TMEM143: variants seen among roughly 807,000 people sequenced by gnomAD.
TMEM143 encodes the protein transmembrane protein 143.
TMEM143 carries 45 observed loss-of-function variants against 40.3 expected under a neutral mutation model. That is an observed-to-expected ratio of 1.12 (90% CI 0.88 to 1.43). The LOEUF (loss-of-function observed/expected upper bound fraction) is 1.43. Ranked by LOEUF, TMEM143 falls within the 40% of genes most tolerant of loss-of-function variation. The pLI is 0.00. For missense variants in TMEM143, 620 were observed against 613.4 expected, an observed-to-expected ratio of 1.01 and a Z score of -0.11; for synonymous variants, 299 against 282.7, an observed-to-expected ratio of 1.06 and a Z score of -0.58.
intron 6 of TMEM143, among the ~76,000 whole-genome samples, 173 bp downstream of exon 6, chr19:48,342,356 GA>G (rs1471187094): frequency 1.0e-5 from 1 of 95,390 alleles, no homozygotes; most frequent in Non-Finnish European, 2.2e-5. Flanking sequence ...AGGAAGGAAG[GA>G]CAGGGAGGGA....
At chr19:48,360,225 C>T (rs768329131) in intron 2 of TMEM143, 49 bp from the exon 3 acceptor site, 8 of 1,565,878 alleles carry the variant, frequency 5.1e-6, no homozygotes, top group South Asian at 3.4e-5. Flanking sequence ...TCCCCTTCCC[C>T]GAGGGAAAGA....
Position 48,335,469 on chromosome 19 carries a change from A to T in TMEM143, c.976-1272T>A, listed in dbSNP as rs1969347040. Among the ~76,000 whole-genome samples, 7 of 152,278 alleles carry T rather than the reference A, an allele frequency of 4.6e-5. No individual in the cohort carries two copies. The South Asian group carries it at 1.5e-3, about 32-fold the overall frequency. Reference sequence around the variant, plus strand: ...GCTGGGCTCAGTGGCTCACGCCTGTAATCCCAGCACTTTGGGAGGCCAAGG... The same window carrying T: ...GCTGGGCTCAGTGGCTCACGCCTGTTATCCCAGCACTTTGGGAGGCCAAGG... On this transcript the variant is annotated intron_variant, in intron 6 of 7. Transcript: ENST00000293261.
At position 48,333,382 on chromosome 19, in the gene TMEM143, G is replaced by C; in HGVS notation, c.1217C>G (p.Ser406Ter). The C allele has an allele frequency of 1.2e-6, 2 of 1,608,376 alleles. No individual in the cohort carries two copies. Among genetic ancestry groups the C allele is most frequent in the Non-Finnish European group, 1.7e-6 (2 of 1,176,108 alleles). The change falls in exon 8 of 8, where the codon TCA becomes TGA. Residue 406 changes from serine to a stop codon, truncating the protein, a stop_gained. Coordinates refer to ENST00000293261, the MANE Select transcript of TMEM143 (RefSeq NM_018273.4). LOFTEE classifies it low-confidence loss of function (END_TRUNC). This position sits in a 1 kb window ranked among gnomAD's most constrained non-coding sequence, Gnocchi z 4.1. ...SEVENWLLAK[S>*]GCEVTFNGTR... The stretch of plus-strand genomic sequence containing the variant: ...TCCGTTGAAGGTCACCTCACAGCCT[G>C]ACTTGGCTAGGAGCCAGTTCTCCAC...
rs986980442 is a variant in TMEM143, at chr19:48,342,905, C to T, written c.696-96G>A. The T allele has an allele frequency of 2.9e-6, 4 of 1,377,702 alleles. No individual in the cohort carries two copies. In the East Asian group the frequency reaches 7.4e-5, roughly 26 times the overall value. The allele number at this position is 1,377,702 out of a possible 1,614,324, so 85.3% of individuals were successfully genotyped here. Reference sequence around the variant, plus strand: ...GACGCTCACTCTGGCTCTACAGTCGCACAACCATCTTAAAAGCGACTCAGT... The same window carrying T: ...GACGCTCACTCTGGCTCTACAGTCGTACAACCATCTTAAAAGCGACTCAGT... On this transcript the variant is annotated intron_variant, in intron 5 of 7. Transcript: ENST00000293261.
intron 6 of TMEM143, among the ~76,000 whole-genome samples, chr19:48,336,597 G>A (rs2147355770): frequency 6.6e-6 from 1 of 152,250 alleles, no homozygotes; most frequent in South Asian, 2.1e-4. Context: ...CGCTACTCAG[G>A]AGGCTGAGGC....
At chr19:48,358,256 C>T (rs567890974) in intron 3 of TMEM143, among the ~76,000 whole-genome samples, 7 of 151,974 alleles carry the variant, frequency 4.6e-5, no homozygotes, top group Admixed American at 2.0e-4. Context: ...TACTGACACA[C>T]GCCTGTAATC....
At chr19:48,350,775 A>C (rs1457798529) in intron 3 of TMEM143, among the ~76,000 whole-genome samples, 1 of 151,872 alleles carries the variant, frequency 6.6e-6, no homozygotes, top group Non-Finnish European at 1.5e-5. Context: ...TACAAAAATT[A>C]GCCAGGCATG....
In TMEM143 at chr19:48,345,320, G is replaced by A. The variant is rs766042706; in HGVS notation, c.404C>T (p.Thr135Ile). The A allele has an allele frequency of 1.3e-6, 2 of 1,590,150 alleles. No individual in the cohort carries two copies. The highest frequency in any genetic ancestry group is 4.5e-5 in the East Asian group (2 of 44,430). Residue 135 changes from threonine (T) to isoleucine (I), a missense_variant, in exon 4 of 8, where the codon ACC becomes ATC. Thr to Ile is a moderately conservative substitution (Grantham distance 89). Transcript: ENST00000293261. ...ATCCGTTAGTGATGGCTGATCGAGG[G>A]TCTCCCTGTCAGGGTTGATGGGGTC... ...LYDPINPDRE[T>I]LDQPSLTDPQ...
intron 3 of TMEM143, 146 bp downstream of exon 3, chr19:48,359,926 G>A (rs538998625): frequency 2.9e-6 from 2 of 697,566 alleles, no homozygotes; most frequent in East Asian, 2.8e-5. Context: ...TTGGCTCCAT[G>A]AGGGCGTCAC....
At chr19:48,345,718 G>A (rs778974632) in intron 3 of TMEM143, among the ~76,000 whole-genome samples, 3 of 151,602 alleles carry the variant, frequency 2.0e-5, no homozygotes, top group Non-Finnish European at 2.9e-5. Context: ...CAATATGCCC[G>A]CCTCGGCCTC....
chr19:48,359,984 C>G, intron 3 of TMEM143, 88 bp downstream of exon 3: 1 of 1,337,630 alleles, frequency 7.5e-7, no homozygotes, highest in Non-Finnish European at 1.0e-6. Context: ...AAAATAAGGG[C>G]CAGGCTCCAA....
At chr19:48,334,221 G>C in intron 6 of TMEM143, 24 bp from the exon 7 acceptor site, 1 of 1,572,126 alleles carries the variant, frequency 6.4e-7, no homozygotes. Flanking sequence ...AGCGCCCCGT[G>C]GGCTCAGTTC....
chr19:48,333,858 G>T lies in TMEM143; in HGVS notation c.1165+150C>A. ...CATCAGGCACCAAGATCGGAGTCTG[G>T]ATTCGGAGGTCCTGTCTGCTGAGGG... On this transcript the variant is annotated intron_variant, in intron 7 of 7. Coordinates refer to ENST00000293261, the MANE Select transcript of TMEM143 (RefSeq NM_018273.4). The surrounding 1 kb of genome is among the most constrained non-coding windows in gnomAD (Gnocchi z 4.1). The T allele has an allele frequency of 1.2e-6, 1 of 819,214 alleles. No homozygotes were observed. Among genetic ancestry groups the T allele is most frequent in the Middle Eastern group, 3.7e-4 (1 of 2,672 alleles). 50.7% of individuals were successfully genotyped at this position (819,214 alleles called of 1,614,324 possible). A position where few individuals can be genotyped will look rare whatever the true frequency, so the allele number is the denominator to read the frequency against.
Position 48,342,629 on chromosome 19 carries a change from G to T in TMEM143, c.876C>A (p.Ile292=), listed in dbSNP as rs1423291431. ...NLMLVVSGVA[I]FVNVGMVVLT... is the part of the protein sequence containing the mutation. ...GCACCACCATGCCCACGTTGACGAA[G>T]ATCGCCACGCCGGAGACTACCAGCA... The change falls in exon 6 of 8, where the codon ATC becomes ATA. Residue 292 remains isoleucine (I), a synonymous_variant. Coordinates refer to ENST00000293261, the MANE Select transcript of TMEM143 (RefSeq NM_018273.4). 1.2e-6 allele frequency: 2 copies of T among 1,613,972 alleles called. No homozygotes were observed. The highest frequency in any genetic ancestry group is 1.1e-5 in the South Asian group (1 of 91,092).
chr19:48,344,357 C>A (rs966103630), intron 4 of TMEM143, among the ~76,000 whole-genome samples: 8 of 151,634 alleles, frequency 5.3e-5, no homozygotes, highest in Middle Eastern at 3.2e-3. Context: ...TCATGGCTGA[C>A]AGCTCACTGC....
intron 3 of TMEM143, among the ~76,000 whole-genome samples, chr19:48,353,810 G>A (rs908403648): frequency 1.3e-5 from 2 of 151,488 alleles, no homozygotes; most frequent in Admixed American, 1.3e-4. Context: ...CACCGAGAAG[G>A]CAGCCACAGG....
At chr19:48,337,678 C>T (rs564817395) in intron 6 of TMEM143, among the ~76,000 whole-genome samples, 5 of 152,204 alleles carry the variant, frequency 3.3e-5, no homozygotes, top group Admixed American at 1.3e-4. Context: ...CATCTCACAC[C>T]GAGGCCTGAG....
At chr19:48,358,269 G>A (rs1969954692) in intron 3 of TMEM143, among the ~76,000 whole-genome samples, 1 of 151,542 alleles carries the variant, frequency 6.6e-6, no homozygotes, top group African/African-American at 2.4e-5. Flanking sequence ...CTGTAATCCT[G>A]GCTATTCGGG....
At chr19:48,345,091 T>C (rs1969589589) in intron 4 of TMEM143, 69 bp downstream of exon 4, 1 of 1,524,248 alleles carries the variant, frequency 6.6e-7, no homozygotes, top group Admixed American at 1.9e-5. Context: ...CAGCAGCCCA[T>C]GCCTCTCAGA....
Sources: gnomAD v4.1 joint callset for allele counts (sites outside exome capture counted in the v4.1 genomes callset) on GRCh38, gnomAD v4.1.1 for gene constraint, Gnocchi (gnomAD v3.1) non-coding constraint, MANE v1.5 for transcripts, NCBI Gene and HGNC (gene_info 2026-07-23, HGNC 2026-07-21) for gene names.